The following PRKCE variants were observed in gnomAD, a reference collection of about 807,000 sequenced individuals.
PRKCE encodes protein kinase C epsilon.
A neutral mutation model predicts 85.4 loss-of-function variants in PRKCE; 16 were observed. The observed-to-expected ratio is 0.19, with a 90% CI of 0.13 to 0.28. The LOEUF (loss-of-function observed/expected upper bound fraction) is 0.28. Among genes scored for constraint, PRKCE ranks in the 10% least tolerant of loss-of-function variants. The pLI is 1.00. For missense variants in PRKCE, 573 were observed against 975.2 expected (o/e 0.59, Z 5.49); for synonymous variants, 388 against 371.5 (o/e 1.04, Z -0.51).
At chr2:45,702,766 A>G (rs1040387090) in intron 1 of PRKCE, among the ~76,000 whole-genome samples, 26 of 152,212 alleles carry the variant, frequency 1.7e-4, no homozygotes, top group African/African-American at 6.3e-4. Context: ...TATTGCAAGC[A>G]GGACACGAAC....
At chr2:45,900,464 C>G (rs186767356) in intron 2 of PRKCE, among the ~76,000 whole-genome samples, 1 of 152,210 alleles carries the variant, frequency 6.6e-6, no homozygotes, top group African/African-American at 2.4e-5. Context: ...ATACATGCTA[C>G]GCCATGGACA....
At chr2:45,759,050 A>C (rs1486093735) in intron 1 of PRKCE, among the ~76,000 whole-genome samples, 1 of 152,142 alleles carries the variant, frequency 6.6e-6, no homozygotes, top group Non-Finnish European at 1.5e-5. Context: ...GAATTTACAA[A>C]GTGAATTTAG....
At chr2:45,903,785 G>A (rs773813707) in intron 2 of PRKCE, among the ~76,000 whole-genome samples, 10 of 152,058 alleles carry the variant, frequency 6.6e-5, no homozygotes, top group Non-Finnish European at 1.2e-4. Context: ...CTTGGAAATG[G>A]GTTAATACAT....
chr2:45,825,117 A>G (rs1178219680), intron 1 of PRKCE, among the ~76,000 whole-genome samples: 1 of 152,254 alleles, frequency 6.6e-6, no homozygotes, highest in East Asian at 1.9e-4. Context: ...TAGAACTAGT[A>G]GCCTTCATAA....
chr2:45,858,617 A>G (rs1947196), intron 2 of PRKCE, among the ~76,000 whole-genome samples: 6,137 of 151,812 alleles, frequency 0.04, 284 homozygotes, highest in East Asian at 0.27. Flanking sequence ...TTTTCCCCCA[A>G]TGGGGGAAAG....
intron 2 of PRKCE, among the ~76,000 whole-genome samples, chr2:45,941,789 C>T (rs1241637951): frequency 2.0e-5 from 3 of 152,012 alleles, no homozygotes; most frequent in Non-Finnish European, 4.4e-5. Context: ...ACTGGAGTCC[C>T]AGAGTGGTCT....
chr2:45,840,212 AG>A (rs1691234690), intron 1 of PRKCE, among the ~76,000 whole-genome samples: 2 of 152,226 alleles, frequency 1.3e-5, no homozygotes, highest in South Asian at 4.1e-4. Context: ...TTTTGCCGGC[AG>A]GGTTTAATAG....
chr2:45,979,112 T>A (rs1290237379), intron 4 of PRKCE, 102 bp downstream of exon 4: 5 of 1,069,168 alleles, frequency 4.7e-6, no homozygotes, highest in Non-Finnish European at 7.0e-6. Context: ...ATTTGGAGGC[T>A]CTCCACAGCT....
chr2:45,865,819 T>TCTTC (rs1220298313), intron 2 of PRKCE, among the ~76,000 whole-genome samples: 14 of 145,208 alleles, frequency 9.6e-5, no homozygotes, highest in South Asian at 6.7e-4. Flanking sequence ...CTTCTTCTTT[T>TCTTC]TTTTTTTTTT....
chr2:45,656,457 G>A (rs1448257628), intron 1 of PRKCE, among the ~76,000 whole-genome samples: 1 of 152,208 alleles, frequency 6.6e-6, no homozygotes, highest in Non-Finnish European at 1.5e-5. Flanking sequence ...TGATGACAAA[G>A]GAGGTTGCTT....
At chr2:45,948,792 A>G (rs1478093235) in intron 2 of PRKCE, among the ~76,000 whole-genome samples, 1 of 152,180 alleles carries the variant, frequency 6.6e-6, no homozygotes, top group Admixed American at 6.5e-5. Flanking sequence ...GTGAACACTT[A>G]AAAAAATATA....
At chr2:45,826,151 C>G (rs952646485) in intron 1 of PRKCE, among the ~76,000 whole-genome samples, 2 of 152,158 alleles carry the variant, frequency 1.3e-5, no homozygotes, top group Admixed American at 6.5e-5. Context: ...CCTCACCCTC[C>G]TGGTCTCAAT....
chr2:46,183,857 C>T (rs903477876), intron 14 of PRKCE, among the ~76,000 whole-genome samples: 2 of 152,210 alleles, frequency 1.3e-5, no homozygotes, highest in South Asian at 2.1e-4. Context: ...TTGAACTCAA[C>T]TCTAAGCCCC....
At chr2:45,801,950 G>C (rs542827999) in intron 1 of PRKCE, among the ~76,000 whole-genome samples, 2 of 152,158 alleles carry the variant, frequency 1.3e-5, no homozygotes, top group South Asian at 4.1e-4. Flanking sequence ...CTAGGCTGCG[G>C]TTTGAAAGCA....
intron 11 of PRKCE, among the ~76,000 whole-genome samples, chr2:46,095,655 T>C (rs767356648): frequency 6.6e-6 from 1 of 152,210 alleles, no homozygotes; most frequent in Non-Finnish European, 1.5e-5. Flanking sequence ...CCATTGCTGG[T>C]TCAGGATTCA....
At chr2:45,815,055 C>A (rs1408052748) in intron 1 of PRKCE, among the ~76,000 whole-genome samples, 1 of 152,160 alleles carries the variant, frequency 6.6e-6, no homozygotes, top group African/African-American at 2.4e-5. Context: ...TCTGTTCCCA[C>A]CCTGTGTGAT....
intron 2 of PRKCE, among the ~76,000 whole-genome samples, chr2:45,859,403 T>TA (rs1692964316): frequency 6.6e-6 from 1 of 152,226 alleles, no homozygotes. Flanking sequence ...TAAGTTGTTT[T>TA]CCAAAGTGAT....
chr2:45,922,473 G>T (rs1007128741), intron 2 of PRKCE, among the ~76,000 whole-genome samples: 1 of 152,112 alleles, frequency 6.6e-6, no homozygotes, highest in Non-Finnish European at 1.5e-5. Context: ...TCCATGGAGG[G>T]GGTCAACTGC....
chr2:45,762,217 A>G (rs1213921868), intron 1 of PRKCE, among the ~76,000 whole-genome samples: 2 of 152,032 alleles, frequency 1.3e-5, no homozygotes, highest in Admixed American at 1.3e-4. Context: ...AGGATTTAGG[A>G]CTCTTGCTGC....
Sources: allele counts gnomAD v4.1 joint callset (sites outside exome capture counted in the v4.1 genomes callset), GRCh38; gene constraint gnomAD v4.1.1; transcripts MANE v1.5; gene names NCBI Gene and HGNC (gene_info 2026-07-23, HGNC 2026-07-21).